LRTM3: variants seen among roughly 807,000 people sequenced by gnomAD.
LRTM3 encodes leucine rich repeat transmembrane protein 3, also known as leucine-rich repeat transmembrane protein 3.
the LRTM3 span, chr13:102,733,504 A>C: frequency 6.4e-7 from 1 of 1,551,332 alleles, no homozygotes; most frequent in Admixed American, 2.0e-5. Flanking sequence ...TTATCAGTGA[A>C]ACTGAAGCCT....
chr13:102,730,887 A>G, the LRTM3 span: 1 of 1,551,370 alleles, frequency 6.4e-7, no homozygotes, highest in Non-Finnish European at 8.7e-7. Flanking sequence ...TCAGAAAGTA[A>G]CAAAATTCTG....
the LRTM3 span, chr13:102,746,979 T>C: frequency 2.6e-6 from 4 of 1,551,218 alleles, no homozygotes; most frequent in Non-Finnish European, 3.5e-6. Context: ...GTGAATGGGA[T>C]TGGTTGATGC....
chr13:102,748,270 T>G, the LRTM3 span: 2 of 1,551,126 alleles, frequency 1.3e-6, no homozygotes, highest in Non-Finnish European at 1.7e-6. Flanking sequence ...CACTGTCTTC[T>G]GTAACATTAA....
At chr13:102,742,357 A>G in the LRTM3 span, 1 of 1,547,820 alleles carries the variant, frequency 6.5e-7, no homozygotes. Context: ...TGATTTTAGG[A>G]GAAATAGATG....
At chr13:102,732,959 A>G in the LRTM3 span, 10,819 of 1,551,354 alleles carry the variant, frequency 7.0e-3, 610 homozygotes, top group African/African-American at 0.12. Context: ...AAATTCCAGA[A>G]CACCTTCCTC....
At chr13:102,734,839 A>G in the LRTM3 span, 2 of 1,550,908 alleles carry the variant, frequency 1.3e-6, no homozygotes, top group Admixed American at 3.9e-5. Flanking sequence ...TCTCTTCCTG[A>G]TGTTTGGGGA....
the LRTM3 span, chr13:102,742,959 CT>C: frequency 1.9e-6 from 3 of 1,544,188 alleles, no homozygotes; most frequent in South Asian, 2.4e-5. Context: ...TTGAGACTTT[CT>C]TTTCCATTTT....
At chr13:102,747,933 G>C in the LRTM3 span, 1 of 1,551,288 alleles carries the variant, frequency 6.4e-7, no homozygotes. Context: ...CTGAAGCCTT[G>C]TGTCAGCTCT....
chr13:102,730,675 T>G, the LRTM3 span: 3 of 1,552,014 alleles, frequency 1.9e-6, no homozygotes, highest in East Asian at 7.3e-5. Context: ...AAGAAATATG[T>G]TGTTCTAACA....
chr13:102,740,081 G>C, the LRTM3 span: 1 of 1,549,684 alleles, frequency 6.5e-7, no homozygotes, highest in Non-Finnish European at 8.7e-7. Flanking sequence ...AGAATGTAAT[G>C]TTATAGGCAG....
At chr13:102,735,697 G>T in the LRTM3 span, 1 of 1,551,072 alleles carries the variant, frequency 6.4e-7, no homozygotes, top group Non-Finnish European at 8.7e-7. Flanking sequence ...GTCCTTTTGA[G>T]TTGCTTAATG....
the LRTM3 span, chr13:102,736,992 T>C: frequency 6.4e-7 from 1 of 1,551,112 alleles, no homozygotes. Context: ...GAAGGTATTG[T>C]CAGAAACACA....
the LRTM3 span, among the ~76,000 whole-genome samples, chr13:102,750,936 C>A: frequency 2.6e-5 from 4 of 152,162 alleles, no homozygotes; most frequent in African/African-American, 9.7e-5. Context: ...ACCCATGTAC[C>A]TCAAATGATT....
the LRTM3 span, chr13:102,734,729 C>A: frequency 6.4e-7 from 1 of 1,550,952 alleles, no homozygotes; most frequent in African/African-American, 1.4e-5. Context: ...CATTTCATTA[C>A]CTAAATGTGT....
chr13:102,753,428 G>T, the LRTM3 span, among the ~76,000 whole-genome samples: 1 of 150,796 alleles, frequency 6.6e-6, no homozygotes, highest in Non-Finnish European at 1.5e-5. Flanking sequence ...AACCACCATG[G>T]CACATGTATA....
the LRTM3 span, chr13:102,732,799 C>T: frequency 1.3e-6 from 2 of 1,551,172 alleles, no homozygotes; most frequent in Non-Finnish European, 1.7e-6. Flanking sequence ...TTTTTAATTT[C>T]CCTTCTTTCT....
the LRTM3 span, among the ~76,000 whole-genome samples, chr13:102,758,207 G>A: frequency 2.0e-5 from 3 of 152,124 alleles, no homozygotes; most frequent in African/African-American, 4.8e-5. Flanking sequence ...TACCTGCCTC[G>A]AAGGATAATT....
the LRTM3 span, chr13:102,748,479 G>A: frequency 6.4e-7 from 1 of 1,551,156 alleles, no homozygotes; most frequent in Non-Finnish European, 8.7e-7. Flanking sequence ...TGCGTTTTTG[G>A]TGTACTGGTT....
chr13:102,755,844 C>A, the LRTM3 span, among the ~76,000 whole-genome samples: 1 of 144,194 alleles, frequency 6.9e-6, no homozygotes. Flanking sequence ...TAAAAAAATA[C>A]TATGTTCATA....
Sources: gnomAD v4.1 joint callset for allele counts (sites outside exome capture counted in the v4.1 genomes callset) on GRCh38, gnomAD v4.1.1 for gene constraint, MANE v1.5 for transcripts, NCBI Gene and HGNC (gene_info 2026-07-23, HGNC 2026-07-21) for gene names.